The following PDCL2 variants were observed in gnomAD, a reference collection of about 807,000 sequenced individuals.
PDCL2 encodes the protein phosducin-like protein 2.
Under a neutral mutation model 30.3 loss-of-function variants are expected in PDCL2, and 23 were observed. The ratio of observed to expected loss-of-function variants is 0.76; its 90% CI spans 0.55 to 1.08. The LOEUF is 1.08. Ranked by LOEUF, PDCL2 falls within the 50% of genes least tolerant of loss-of-function variation. PDCL2 has a pLI of 0.00. For synonymous variants in PDCL2, 68 were observed against 86.2 expected, an observed-to-expected ratio of 0.79 and a Z score of 1.17; for missense variants, 243 against 282.3, an observed-to-expected ratio of 0.86 and a Z score of 1.00.
intron 3 of PDCL2, 95 bp from the exon 4 acceptor site, chr4:55,569,956 G>T: frequency 1.2e-6 from 1 of 868,128 alleles, no homozygotes; most frequent in Non-Finnish European, 1.7e-6. Context: ...TGAATATAAT[G>T]CCTATCCATA....
At chr4:55,566,097 A>G (rs1026925792) in intron 4 of PDCL2, among the ~76,000 whole-genome samples, 18 of 144,752 alleles carry the variant, frequency 1.2e-4, no homozygotes, top group Admixed American at 1.1e-3. Flanking sequence ...CTCCTGCCTC[A>G]GCCTCCCAAG....
intron 5 of PDCL2, among the ~76,000 whole-genome samples, chr4:55,560,962 T>C (rs976951711): frequency 6.6e-6 from 1 of 152,174 alleles, no homozygotes. Context: ...GACATTAATA[T>C]AAAGTTTCTT....
chr4:55,573,969 C>T (rs944261955), intron 3 of PDCL2, among the ~76,000 whole-genome samples: 1 of 151,682 alleles, frequency 6.6e-6, no homozygotes, highest in Admixed American at 6.6e-5. Context: ...TCTCGGCTCA[C>T]TGCAACCTCT....
chr4:55,586,954 G>A (rs996410737), intron 1 of PDCL2, among the ~76,000 whole-genome samples: 3 of 146,606 alleles, frequency 2.0e-5, no homozygotes, highest in Non-Finnish European at 2.9e-5. Flanking sequence ...TTGGCTATTT[G>A]GAGATCTTCT....
At chr4:55,565,973 G>GTTTTTTTTTTTTTTTTTTTTTTTTTTT (rs71194595) in intron 4 of PDCL2, among the ~76,000 whole-genome samples, 2 of 74,494 alleles carry the variant, frequency 2.7e-5, no homozygotes, top group Non-Finnish European at 2.4e-5. Flanking sequence ...CCATTTTTCT[G>GTTTTTTTTTTTTTTTTTTTTTTTTTTT]TTTTTTTTTT....
At chr4:55,580,399 T>C (rs930196306) in intron 3 of PDCL2, among the ~76,000 whole-genome samples, 1 of 152,118 alleles carries the variant, frequency 6.6e-6, no homozygotes, top group Admixed American at 6.5e-5. Context: ...TCCCAACTTA[T>C]TTTAGTTGTG....
intron 1 of PDCL2, among the ~76,000 whole-genome samples, chr4:55,591,630 C>T (rs965934772): frequency 3.9e-5 from 6 of 152,210 alleles, no homozygotes; most frequent in East Asian, 3.9e-4. Context: ...GTGATCCGCC[C>T]GCCTCCGCCT....
At chr4:55,585,324 T>A (rs535366708) in intron 1 of PDCL2, among the ~76,000 whole-genome samples, 125 of 152,248 alleles carry the variant, frequency 8.2e-4, no homozygotes, top group African/African-American at 2.9e-3. Context: ...AGTCAGGAGT[T>A]CGAGACCAGC....
intron 3 of PDCL2, among the ~76,000 whole-genome samples, chr4:55,579,421 C>T (rs1732649397): frequency 1.3e-5 from 2 of 151,856 alleles, no homozygotes; most frequent in Admixed American, 1.3e-4. Context: ...CCTCCACCTC[C>T]CAGGTTCAGC....
Position 55,576,978 on chromosome 4 carries a change from ACCTCTG to A in PDCL2, c.218+3837_218+3842del, listed in dbSNP as rs533988359. Among the ~76,000 whole-genome samples, 334 of 151,974 alleles carry A rather than the reference ACCTCTG, an allele frequency of 2.2e-3. 1 individual carries two copies. Among genetic ancestry groups the A allele is most frequent in the Admixed American group, 7.5e-3 (114 of 15,264 alleles). On this transcript the variant is annotated intron_variant, in intron 3 of 5. Transcript: ENST00000295645. ...AGTGGCACAATCTCGGCTCACTGCA[ACCTCTG>A]CCTCCCAGATTCAAGCAATTCTCCT...
intron 4 of PDCL2, among the ~76,000 whole-genome samples, chr4:55,567,136 A>G (rs551950837): frequency 6.6e-6 from 1 of 152,356 alleles, no homozygotes; most frequent in South Asian, 2.1e-4. Flanking sequence ...AAACTGGTTA[A>G]CCAAATAAAT....
chr4:55,585,257 G>A (rs1732830050), intron 1 of PDCL2, among the ~76,000 whole-genome samples: 1 of 152,196 alleles, frequency 6.6e-6, no homozygotes, highest in South Asian at 2.1e-4. Context: ...GCTGGGTGCA[G>A]TGGCTCATGC....
intron 3 of PDCL2, among the ~76,000 whole-genome samples, chr4:55,578,458 C>T (rs1430761738): frequency 6.6e-6 from 1 of 152,186 alleles, no homozygotes; most frequent in Non-Finnish European, 1.5e-5. Context: ...TTGGAAACTA[C>T]AAGCATTCAA....
intron 3 of PDCL2, among the ~76,000 whole-genome samples, chr4:55,578,743 T>C (rs1732634740): frequency 1.3e-5 from 2 of 152,224 alleles, no homozygotes; most frequent in African/African-American, 4.8e-5. Context: ...CATATTTTAC[T>C]GGTGATATTA....
intron 5 of PDCL2, among the ~76,000 whole-genome samples, chr4:55,557,261 A>G (rs1386841293): frequency 6.6e-6 from 1 of 152,256 alleles, no homozygotes; most frequent in Non-Finnish European, 1.5e-5. Context: ...CTGTTTTGTG[A>G]TAACAGAATA....
intron 3 of PDCL2, among the ~76,000 whole-genome samples, chr4:55,571,146 G>A (rs576992846): frequency 4.3e-4 from 66 of 152,122 alleles, no homozygotes; most frequent in African/African-American, 1.5e-3. Flanking sequence ...ATTGAAACTA[G>A]CCAATCCTAA....
At chr4:55,572,533 C>T (rs564736426) in intron 3 of PDCL2, among the ~76,000 whole-genome samples, 1 of 152,242 alleles carries the variant, frequency 6.6e-6, no homozygotes, top group South Asian at 2.1e-4. Context: ...GAAACTGTTG[C>T]CAAAATAATG....
chr4:55,583,569 T>G lies in PDCL2; in HGVS notation c.7-1332A>C, dbSNP rs138906909. Among the ~76,000 whole-genome samples, 1,000 of 152,330 alleles carry G rather than the reference T, an allele frequency of 6.6e-3. 17 individuals carry two copies. Among genetic ancestry groups the G allele is most frequent in the African/African-American group, 0.022 (931 of 41,574 alleles). ...ATTTCAGGTCTTATATTTAAGTCTT[T>G]AATCCATTTTTAGTTGATTTTTATA... On this transcript the variant is annotated intron_variant, in intron 1 of 5. Coordinates refer to ENST00000295645, the MANE Select transcript of PDCL2 (RefSeq NM_152401.3).
intron 1 of PDCL2, among the ~76,000 whole-genome samples, chr4:55,585,561 C>A (rs4865017): frequency 0.75 from 114,549 of 151,792 alleles, 43,608 homozygotes; most frequent in East Asian, 0.9. Context: ...CACACACACA[C>A]AAAGATTTAG....
Sources: allele counts gnomAD v4.1 joint callset (sites outside exome capture counted in the v4.1 genomes callset), GRCh38; gene constraint gnomAD v4.1.1; transcripts MANE v1.5; gene names NCBI Gene and HGNC (gene_info 2026-07-23, HGNC 2026-07-21).